The following TMEM50B variants were observed in gnomAD, a reference collection of about 807,000 sequenced individuals.
TMEM50B encodes HCV p7-trans-regulated protein 3.
Under a neutral mutation model 23.4 loss-of-function variants are expected in TMEM50B, and 14 were observed. That is an observed-to-expected ratio of 0.60 (90% CI 0.39 to 0.93). TMEM50B has a LOEUF of 0.93. TMEM50B is among the 40% of genes least tolerant of loss of function. The pLI is 0.00. For missense variants in TMEM50B, 159 were observed against 193.0 expected, an observed-to-expected ratio of 0.82 and a Z score of 1.04; for synonymous variants, 64 against 62.3, an observed-to-expected ratio of 1.03 and a Z score of -0.13.
chr21:33,441,922 C>T (rs779779885), intron 7 of TMEM50B, among the ~76,000 whole-genome samples: 17 of 152,292 alleles, frequency 1.1e-4, no homozygotes, highest in Non-Finnish European at 1.5e-4. Flanking sequence ...TGAGCCACCA[C>T]GCCCGGCCTT....
chr21:33,456,546 G>A (rs1201174750), intron 5 of TMEM50B, among the ~76,000 whole-genome samples: 5 of 152,156 alleles, frequency 3.3e-5, no homozygotes, highest in South Asian at 2.1e-4. Context: ...AACTACAAAT[G>A]TTGATTTAAA....
chr21:33,467,487 G>T (rs986249997), intron 2 of TMEM50B, among the ~76,000 whole-genome samples: 3 of 152,216 alleles, frequency 2.0e-5, no homozygotes, highest in African/African-American at 7.2e-5. Flanking sequence ...AGCTGGGCAT[G>T]GTGGCAGGCA....
downstream of TMEM50B, among the ~76,000 whole-genome samples, chr21:33,445,786 CA>C (rs368128356): frequency 5.9e-5 from 8 of 135,114 alleles, no homozygotes; most frequent in Non-Finnish European, 8.0e-5. Context: ...GACTCTGTCT[CA>C]AAAAAAAAAG....
At chr21:33,459,355 T>C (rs2123431758) in intron 5 of TMEM50B, among the ~76,000 whole-genome samples, 1 of 152,236 alleles carries the variant, frequency 6.6e-6, no homozygotes, top group East Asian at 1.9e-4. Context: ...AAACTCCCCC[T>C]GTACCCATGA....
intron 3 of TMEM50B, among the ~76,000 whole-genome samples, chr21:33,466,799 A>G (rs1268985116): frequency 6.6e-6 from 1 of 152,132 alleles, no homozygotes; most frequent in Non-Finnish European, 1.5e-5. Context: ...AAATCACAAG[A>G]TAATTGTTAT....
At chr21:33,476,611 A>G (rs779442546) in intron 1 of TMEM50B, among the ~76,000 whole-genome samples, 1 of 151,486 alleles carries the variant, frequency 6.6e-6, no homozygotes, top group Non-Finnish European at 1.5e-5. Context: ...AACACAAAAA[A>G]TTAGCTGGGC....
intron 1 of TMEM50B, among the ~76,000 whole-genome samples, chr21:33,469,854 G>C (rs1337715604): frequency 2.0e-5 from 3 of 152,140 alleles, no homozygotes; most frequent in East Asian, 1.9e-4. Context: ...CAGATATATG[G>C]AGCAGAGATA....
downstream of TMEM50B, among the ~76,000 whole-genome samples, chr21:33,447,514 C>A (rs975977659): frequency 6.6e-6 from 1 of 152,144 alleles, no homozygotes; most frequent in Non-Finnish European, 1.5e-5. Context: ...AACCCTTCCA[C>A]TGGGGAAAAA....
At chr21:33,464,804 C>CAAAAAAAAAAAAAAAAAAAAAAAAAAA (rs59855166) in intron 4 of TMEM50B, among the ~76,000 whole-genome samples, 17 of 100,886 alleles carry the variant, frequency 1.7e-4, no homozygotes, top group East Asian at 5.4e-4. Context: ...AACTCCGTCT[C>CAAAAAAAAAAAAAAAAAAAAAAAAAAA]AAAAAAAAAA....
intron 6 of TMEM50B, among the ~76,000 whole-genome samples, chr21:33,454,129 T>A (rs1453095593): frequency 2.7e-5 from 4 of 150,172 alleles, no homozygotes; most frequent in Non-Finnish European, 5.9e-5. Context: ...AAGACATTCA[T>A]TCTAAAAAGC....
At chr21:33,458,788 A>C (rs1056274072) in intron 5 of TMEM50B, among the ~76,000 whole-genome samples, 4 of 152,202 alleles carry the variant, frequency 2.6e-5, no homozygotes, top group Non-Finnish European at 5.9e-5. Flanking sequence ...TTTCCTTCAG[A>C]TATGCTTCAT....
intron 1 of TMEM50B, among the ~76,000 whole-genome samples, chr21:33,470,668 C>T (rs928218841): frequency 1.3e-5 from 2 of 152,006 alleles, no homozygotes; most frequent in African/African-American, 4.8e-5. Flanking sequence ...ACCCGGGAGG[C>T]GGGGCTTGCA....
At chr21:33,444,160 C>A (rs1297638867), downstream of TMEM50B, among the ~76,000 whole-genome samples, 1 of 135,608 alleles carries the variant, frequency 7.4e-6, no homozygotes. Context: ...CTTGGCCTCC[C>A]AAAGCACTGA....
At chr21:33,467,350 C>A (rs1451204044) in intron 2 of TMEM50B, among the ~76,000 whole-genome samples, 1 of 151,932 alleles carries the variant, frequency 6.6e-6, no homozygotes, top group African/African-American at 2.4e-5. Context: ...CAAGGCCGGG[C>A]GCAGTGCTGA....
At chr21:33,456,604 A>G (rs1302270823) in intron 5 of TMEM50B, among the ~76,000 whole-genome samples, 3 of 152,220 alleles carry the variant, frequency 2.0e-5, no homozygotes, top group South Asian at 2.1e-4. Flanking sequence ...AGCTCTTGAT[A>G]TCATAGCAAA....
In TMEM50B at chr21:33,436,743, A is replaced by AT. The variant is rs1395255243; in HGVS notation, c.*2120+2470_*2120+2471insA. 8.8e-6 allele frequency: 10 copies of AT among 1,138,450 alleles called. No homozygotes were observed. In the Admixed American group the frequency reaches 1.1e-4, roughly 13 times the overall value. The allele number at this position is 1,138,450 out of a possible 1,614,324, so 70.5% of individuals were successfully genotyped here. A position where few individuals can be genotyped will look rare whatever the true frequency, so the allele number is the denominator to read the frequency against. On this transcript the variant is annotated intron_variant and NMD_transcript_variant, in intron 8 of 8. Coordinates refer to the TMEM50B transcript ENST00000420455. Reference sequence around the variant, plus strand: ...TCAAAAAAAAAATAAAAATAAAAATAAAATAAAAACAAAAACTAAAGTTAA... The same window carrying AT: ...TCAAAAAAAAAATAAAAATAAAAATATAAATAAAAACAAAAACTAAAGTTAA...
At chr21:33,459,129 G>A (rs1162534385) in intron 5 of TMEM50B, among the ~76,000 whole-genome samples, 1 of 152,200 alleles carries the variant, frequency 6.6e-6, no homozygotes, top group African/African-American at 2.4e-5. Context: ...ACTGACTCCT[G>A]TCTTAGGAGC....
intron 1 of TMEM50B, among the ~76,000 whole-genome samples, chr21:33,473,346 A>C (rs1337534000): frequency 6.6e-6 from 1 of 151,254 alleles, no homozygotes; most frequent in African/African-American, 2.4e-5. Flanking sequence ...CCAGCTACTC[A>C]GGAGGCTGAG....
chr21:33,472,105 C>T (rs1475538049), intron 1 of TMEM50B, among the ~76,000 whole-genome samples: 3 of 149,644 alleles, frequency 2.0e-5, no homozygotes, highest in African/African-American at 4.9e-5. Context: ...TTAAATGGGC[C>T]GGGCAGGATG....
Sources: allele counts gnomAD v4.1 joint callset (sites outside exome capture counted in the v4.1 genomes callset), GRCh38; gene constraint gnomAD v4.1.1; transcripts MANE v1.5; gene names NCBI Gene and HGNC (gene_info 2026-07-23, HGNC 2026-07-21).